Variants in KCND2 observed in about 807,000 individuals in gnomAD.
KCND2 encodes A-type voltage-gated potassium channel KCND2.
A neutral mutation model predicts 54.4 loss-of-function variants in KCND2; 16 were observed. The observed-to-expected ratio is 0.29, with a 90% confidence interval of 0.20 to 0.45. The LOEUF (loss-of-function observed/expected upper bound fraction) is 0.45. KCND2 is among the 20% of genes least tolerant of loss of function. The pLI is 1.00. For missense variants in KCND2, 486 were observed against 824.2 expected, an observed-to-expected ratio of 0.59 and a Z score of 5.02; for synonymous variants, 317 against 310.7, an observed-to-expected ratio of 1.02 and a Z score of -0.21.
intron 1 of KCND2, among the ~76,000 whole-genome samples, chr7:120,628,319 A>G (rs1449028666): frequency 3.9e-5 from 6 of 152,236 alleles, no homozygotes; most frequent in African/African-American, 1.4e-4. Context: ...CTATTTTCTG[A>G]GCAGCCAGGT....
intron 1 of KCND2, among the ~76,000 whole-genome samples, chr7:120,469,224 C>T (rs2116256629): frequency 6.6e-6 from 1 of 152,250 alleles, no homozygotes; most frequent in South Asian, 2.1e-4. Context: ...AAGCTCAGCA[C>T]TTCATCTTTG....
At chr7:120,412,930 C>T (rs1801472645) in intron 1 of KCND2, among the ~76,000 whole-genome samples, 1 of 152,002 alleles carries the variant, frequency 6.6e-6, no homozygotes, top group African/African-American at 2.4e-5. Context: ...ACTGGCAGAT[C>T]ACTTTACTCC....
chr7:120,283,965 T>C (rs1196378918), intron 1 of KCND2, among the ~76,000 whole-genome samples: 1 of 152,106 alleles, frequency 6.6e-6, no homozygotes, highest in Non-Finnish European at 1.5e-5. Context: ...TGATGAAAAC[T>C]TGCAGAAGCA....
chr7:120,591,976 C>T (rs556131982), intron 1 of KCND2, among the ~76,000 whole-genome samples: 102 of 152,276 alleles, frequency 6.7e-4, no homozygotes, highest in Non-Finnish European at 1.2e-3. Context: ...ACTTTATAAA[C>T]AATATTTAAT....
intron 1 of KCND2, among the ~76,000 whole-genome samples, chr7:120,431,571 C>T (rs11766166): frequency 0.056 from 8,592 of 152,188 alleles, 368 homozygotes; most frequent in Non-Finnish European, 0.086. Flanking sequence ...TGGATCATCT[C>T]GCAATTCTTG....
chr7:120,299,408 G>A (rs1036693397), intron 1 of KCND2, among the ~76,000 whole-genome samples: 7 of 152,082 alleles, frequency 4.6e-5, no homozygotes, highest in Admixed American at 1.3e-4. Flanking sequence ...TGACTTGTGT[G>A]TGAAAGTTCT....
At chr7:120,731,213 T>C (rs1324997013) in intron 1 of KCND2, among the ~76,000 whole-genome samples, 2 of 152,228 alleles carry the variant, frequency 1.3e-5, no homozygotes, top group African/African-American at 4.8e-5. Flanking sequence ...GCTCCTGCTT[T>C]AGCAATTTTA....
In KCND2 at chr7:120,502,012, G is replaced by A. The variant is rs540748057; in HGVS notation, c.1115+226265G>A. Among the ~76,000 whole-genome samples, 49 of 152,116 alleles carry A rather than the reference G, an allele frequency of 3.2e-4. No individual in the cohort carries two copies. In the East Asian group the frequency reaches 9.1e-3, roughly 28 times the overall value. On this transcript the variant is annotated intron_variant, in intron 1 of 5. Coordinates refer to ENST00000331113, the MANE Select transcript of KCND2 (RefSeq NM_012281.3). The stretch of plus-strand genomic sequence containing the variant: ...ACAGTGTTTTTAACAAGTTCTTTGA[G>A]TCATCTGGACAATGAGATGTAATCA...
rs182223341 is a variant in KCND2, at chr7:120,701,923, G to A, written c.1116-30980G>A. On this transcript the variant is annotated intron_variant, in intron 1 of 5. Coordinates refer to ENST00000331113, the MANE Select transcript of KCND2 (RefSeq NM_012281.3). The stretch of plus-strand genomic sequence containing the variant: ...GCAGTGATTTCATGATGAAGATGCC[G>A]AAAGCAATTGCAACAAAAGCAAAAA... Among the ~76,000 whole-genome samples, 414 of 152,204 alleles carry A rather than the reference G, an allele frequency of 2.7e-3. 3 individuals are homozygous for A. The highest frequency in any genetic ancestry group is 9.0e-3 in the African/African-American group (374 of 41,548).
chr7:120,589,078 C>T (rs1382352784), intron 1 of KCND2, among the ~76,000 whole-genome samples: 2 of 152,116 alleles, frequency 1.3e-5, no homozygotes, highest in East Asian at 1.9e-4. Context: ...TATTATGTAA[C>T]CCTAAATTTG....
Position 120,469,827 on chromosome 7 carries a change from A to T in KCND2, c.1115+194080A>T, listed in dbSNP as rs567096778. Among the ~76,000 whole-genome samples the T allele has an allele frequency of 5.9e-5, 9 of 152,272 alleles. No individual in the cohort carries two copies. In the South Asian group the frequency reaches 1.9e-3, roughly 32 times the overall value. Reference sequence around the variant, plus strand: ...AAAAAGCTACCAGACTAACTGCATGATACTAGTGTCAGTTTACTCAAATGC... The same window carrying T: ...AAAAAGCTACCAGACTAACTGCATGTTACTAGTGTCAGTTTACTCAAATGC... On this transcript the variant is annotated intron_variant, in intron 1 of 5. Coordinates refer to ENST00000331113, the MANE Select transcript of KCND2 (RefSeq NM_012281.3).
intron 1 of KCND2, among the ~76,000 whole-genome samples, chr7:120,557,858 G>A (rs989185081): frequency 1.3e-5 from 2 of 152,012 alleles, no homozygotes; most frequent in Non-Finnish European, 2.9e-5. Context: ...TAGTTTGGCT[G>A]GCAGATGTAG....
chr7:120,741,586 A>G lies in KCND2; in HGVS notation c.1331A>G (p.Tyr444Cys). 6.2e-7 allele frequency: 1 copy of G among 1,613,350 alleles called. No individual in the cohort carries two copies. Among genetic ancestry groups the G allele is most frequent in the Non-Finnish European group, 8.5e-7 (1 of 1,179,460 alleles). The change falls in exon 3 of 6, where the codon TAC (tyrosine) becomes TGC (cysteine). Residue 444 changes from tyrosine (Y) to cysteine (C), a missense_variant. Coordinates refer to ENST00000331113, the MANE Select transcript of KCND2 (RefSeq NM_012281.3). ...RAAKSGSANA[Y>C]MQSKRNGLLS... ...GCCAAAAGCGGAAGCGCAAATGCTT[A>G]CATGCAGAGCAAACGGAATGGTTTA...
At chr7:120,438,353 T>C (rs778455200) in intron 1 of KCND2, among the ~76,000 whole-genome samples, 1 of 152,192 alleles carries the variant, frequency 6.6e-6, no homozygotes, top group Non-Finnish European at 1.5e-5. Context: ...CTGGTATGAC[T>C]CTTGGTATAG....
At chr7:120,634,268 A>G (rs912246965) in intron 1 of KCND2, among the ~76,000 whole-genome samples, 4 of 152,158 alleles carry the variant, frequency 2.6e-5, no homozygotes, top group Non-Finnish European at 4.4e-5. Flanking sequence ...ATGCCTTCCG[A>G]CACCAATATT....
intron 1 of KCND2, among the ~76,000 whole-genome samples, chr7:120,603,994 C>T (rs2116476474): frequency 6.6e-6 from 1 of 152,168 alleles, no homozygotes; most frequent in Middle Eastern, 3.4e-3. Flanking sequence ...GCCTGTCTGT[C>T]CTTAATCTTT....
chr7:120,441,937 C>T (rs1307399975), intron 1 of KCND2, among the ~76,000 whole-genome samples: 1 of 152,098 alleles, frequency 6.6e-6, no homozygotes, highest in Non-Finnish European at 1.5e-5. Flanking sequence ...CTGGTCTCCA[C>T]CCATTATCTT....
At chr7:120,390,518 G>C (rs1167331697) in intron 1 of KCND2, among the ~76,000 whole-genome samples, 1 of 151,908 alleles carries the variant, frequency 6.6e-6, no homozygotes, top group African/African-American at 2.4e-5. Context: ...CAGCTGAGGG[G>C]ATTGAGCCAA....
At chr7:120,693,451 G>A (rs1792296685) in intron 1 of KCND2, among the ~76,000 whole-genome samples, 1 of 151,534 alleles carries the variant, frequency 6.6e-6, no homozygotes, top group Non-Finnish European at 1.5e-5. Flanking sequence ...GCCAAACATA[G>A]TACTTAGCAA....
Sources: gnomAD v4.1 joint callset for allele counts (sites outside exome capture counted in the v4.1 genomes callset) on GRCh38, gnomAD v4.1.1 for gene constraint, MANE v1.5 for transcripts, NCBI Gene and HGNC (gene_info 2026-07-23, HGNC 2026-07-21) for gene names.